The following SPOCK1 variants were observed in gnomAD, a reference collection of about 807,000 sequenced individuals.
SPOCK1 encodes testican-1.
A neutral mutation model predicts 55.3 loss-of-function variants in SPOCK1; 23 were observed. The observed-to-expected ratio is 0.42, with a 90% CI of 0.30 to 0.59. The LOEUF is 0.59. Among genes scored for constraint, SPOCK1 ranks in the 20% least tolerant of loss-of-function variants. The pLI is 0.22. For missense variants in SPOCK1, 499 were observed against 552.5 expected, an observed-to-expected ratio of 0.90 and a Z score of 0.97; for synonymous variants, 226 against 221.0, an observed-to-expected ratio of 1.02 and a Z score of -0.20.
At chr5:137,188,113 T>C (rs1755109003) in intron 3 of SPOCK1, among the ~76,000 whole-genome samples, 1 of 152,142 alleles carries the variant, frequency 6.6e-6, no homozygotes, top group African/African-American at 2.4e-5. Context: ...ACATCCTGAG[T>C]CAGGTGAATC....
At chr5:137,398,092 G>A (rs1191424753) in intron 2 of SPOCK1, among the ~76,000 whole-genome samples, 1 of 151,854 alleles carries the variant, frequency 6.6e-6, no homozygotes, top group Non-Finnish European at 1.5e-5. Context: ...CACCATACAG[G>A]AGGCTGCCAA....
chr5:137,062,525 A>AAATAAC (rs146318882), intron 6 of SPOCK1, among the ~76,000 whole-genome samples: 1 of 143,464 alleles, frequency 7.0e-6, no homozygotes, highest in Admixed American at 7.0e-5. Context: ...CAAGCATTAT[A>AAATAAC]AATAATAATA....
At chr5:137,061,487 G>A (rs891209012) in intron 6 of SPOCK1, among the ~76,000 whole-genome samples, 3 of 152,196 alleles carry the variant, frequency 2.0e-5, no homozygotes, top group African/African-American at 4.8e-5. Flanking sequence ...TCAGCTGGAG[G>A]GAAGTTGTTA....
At chr5:137,323,237 T>C (rs780810494) in intron 2 of SPOCK1, among the ~76,000 whole-genome samples, 1 of 152,128 alleles carries the variant, frequency 6.6e-6, no homozygotes, top group African/African-American at 2.4e-5. Flanking sequence ...AGACATAGGG[T>C]AGTTTAATGG....
intron 3 of SPOCK1, among the ~76,000 whole-genome samples, chr5:137,245,478 C>T (rs570681854): frequency 2.0e-5 from 3 of 152,066 alleles, no homozygotes; most frequent in Admixed American, 1.3e-4. Context: ...AAGGACATAG[C>T]AGAGGAGGGA....
intron 6 of SPOCK1, among the ~76,000 whole-genome samples, chr5:137,040,945 C>A (rs139920012): frequency 6.6e-6 from 1 of 152,312 alleles, no homozygotes; most frequent in African/African-American, 2.4e-5. Context: ...TTGGCCAGCA[C>A]TAGATTGCCC....
In SPOCK1 at chr5:137,418,827, T is replaced by G. The variant is rs537817687; in HGVS notation, c.186+79546A>C. On this transcript the variant is annotated intron_variant, in intron 2 of 10. Coordinates refer to ENST00000394945, the MANE Select transcript of SPOCK1 (RefSeq NM_004598.4). ...TTAATTAGATCCCATTTGTCAATTT[T>G]GGCTTTTGTTGACATTGCTTTTGGT... 1.6e-3 allele frequency among the ~76,000 whole-genome samples: 241 copies of G among 152,362 alleles called. 2 individuals carry two copies. The highest frequency in any genetic ancestry group is 2.1e-3 in the South Asian group (10 of 4,828).
chr5:137,410,230 TACA>T (rs1335778442), intron 2 of SPOCK1, among the ~76,000 whole-genome samples: 5 of 152,238 alleles, frequency 3.3e-5, no homozygotes, highest in African/African-American at 9.6e-5. Context: ...GCTGGTTTAT[TACA>T]ACATCTTTCA....
chr5:137,167,857 G>C (rs10045528), intron 3 of SPOCK1, among the ~76,000 whole-genome samples: 59,281 of 151,610 alleles, frequency 0.39, 11,842 homozygotes, highest in East Asian at 0.6. Context: ...CAGCTTTAAT[G>C]GCCTATATCA....
chr5:137,496,870 A>C (rs1441131452), intron 2 of SPOCK1, among the ~76,000 whole-genome samples: 1 of 152,216 alleles, frequency 6.6e-6, no homozygotes, highest in Non-Finnish European at 1.5e-5. Context: ...TCAATTAAAA[A>C]TTTTAATGAA....
At chr5:137,331,147 T>C (rs1393498899) in intron 2 of SPOCK1, among the ~76,000 whole-genome samples, 1 of 152,128 alleles carries the variant, frequency 6.6e-6, no homozygotes, top group African/African-American at 2.4e-5. Flanking sequence ...TGCTACCCTG[T>C]CTAAGGCCAA....
intron 6 of SPOCK1, among the ~76,000 whole-genome samples, chr5:137,065,498 G>A (rs1398838674): frequency 1.3e-5 from 2 of 152,114 alleles, no homozygotes; most frequent in East Asian, 1.9e-4. Flanking sequence ...AGACTCATTG[G>A]TGCAGGCTTC....
In SPOCK1 at chr5:137,471,325, CT is replaced by C. The variant is rs539917443; in HGVS notation, c.186+27047del. 4.0e-3 allele frequency among the ~76,000 whole-genome samples: 610 copies of C among 152,264 alleles called. 4 individuals are homozygous for C. The highest frequency in any genetic ancestry group is 0.014 in the African/African-American group (577 of 41,572). On this transcript the variant is annotated intron_variant, in intron 2 of 10. Coordinates refer to ENST00000394945, the MANE Select transcript of SPOCK1 (RefSeq NM_004598.4). The stretch of plus-strand genomic sequence containing the variant: ...AGTTAAATTAGTTGTGTATTTTTAT[CT>C]TTTTTTGTTTGTTTGTTTGTTTTTG...
intron 5 of SPOCK1, among the ~76,000 whole-genome samples, chr5:137,092,135 A>C (rs948819269): frequency 6.6e-6 from 1 of 152,214 alleles, no homozygotes. Flanking sequence ...GCATTGTACA[A>C]GATTCTGAGG....
In SPOCK1 at chr5:137,231,970, T is replaced by C. The variant is rs929202665; in HGVS notation, c.232+35040A>G. 3.3e-5 allele frequency among the ~76,000 whole-genome samples: 5 copies of C among 152,358 alleles called. No homozygotes were observed. The South Asian group carries it at 6.2e-4, about 19-fold the overall frequency. ...ATTTCCCTGATGATGGTGAACATCA[T>C]TTCATGTTCTTACATGCCATCTGTA... On this transcript the variant is annotated intron_variant, in intron 3 of 10. Transcript: ENST00000394945.
chr5:137,123,553 A>G (rs1024961604), intron 4 of SPOCK1, among the ~76,000 whole-genome samples: 3 of 152,168 alleles, frequency 2.0e-5, no homozygotes, highest in Non-Finnish European at 4.4e-5. Context: ...TAGTAAGCCA[A>G]TGTGTCCCAA....
At chr5:136,995,036 T>C (rs535219158) in intron 6 of SPOCK1, among the ~76,000 whole-genome samples, 3 of 152,168 alleles carry the variant, frequency 2.0e-5, no homozygotes, top group African/African-American at 7.2e-5. Context: ...ATCTAATAGA[T>C]AGTTCCTCAG....
intron 2 of SPOCK1, among the ~76,000 whole-genome samples, chr5:137,401,825 G>A (rs1291866306): frequency 1.3e-5 from 2 of 152,054 alleles, no homozygotes; most frequent in Non-Finnish European, 2.9e-5. Context: ...AGGAAAATCT[G>A]CTCATGATAC....
chr5:137,405,406 G>A (rs984797027), intron 2 of SPOCK1, among the ~76,000 whole-genome samples: 2 of 152,130 alleles, frequency 1.3e-5, no homozygotes, highest in Admixed American at 1.3e-4. Context: ...TGGGAGAAGG[G>A]CCAGAGGCAG....
Sources: gnomAD v4.1 joint callset for allele counts (sites outside exome capture counted in the v4.1 genomes callset) on GRCh38, gnomAD v4.1.1 for gene constraint, MANE v1.5 for transcripts, NCBI Gene and HGNC (gene_info 2026-07-23, HGNC 2026-07-21) for gene names.